Variants in DZIP1L observed in about 807,000 individuals in gnomAD.
DZIP1L encodes DAZ interacting zinc finger protein 1 like, also known as cilium assembly protein DZIP1L.
A neutral mutation model predicts 88.7 loss-of-function variants in DZIP1L; 90 were observed. The ratio of observed to expected loss-of-function variants is 1.02; its 90% confidence interval spans 0.86 to 1.21. The LOEUF (loss-of-function observed/expected upper bound fraction) is 1.21. DZIP1L is among the 50% of genes most tolerant of loss of function. DZIP1L has a pLI of 0.00. For synonymous variants in DZIP1L, 363 were observed against 372.1 expected (o/e 0.98, Z 0.28); for missense variants, 932 against 955.8 (o/e 0.98, Z 0.33).
intron 7 of DZIP1L, among the ~76,000 whole-genome samples, chr3:138,084,987 T>A (rs1233103348): frequency 6.6e-6 from 1 of 152,244 alleles, no homozygotes; most frequent in Non-Finnish European, 1.5e-5. Context: ...TTGATCTATA[T>A]CTCTGTTTTG....
At chr3:138,105,111 T>C (rs2042444428) in intron 1 of DZIP1L, among the ~76,000 whole-genome samples, 1 of 152,194 alleles carries the variant, frequency 6.6e-6, no homozygotes, top group African/African-American at 2.4e-5. Flanking sequence ...ATCTCCAATA[T>C]ATATATATGT....
At position 138,103,763 on chromosome 3, in the gene DZIP1L, T is replaced by G. The variant is rs1310942364; in HGVS notation, c.209A>C (p.Glu70Ala). 1 of 1,613,866 alleles carries G rather than the reference T, an allele frequency of 6.2e-7. No homozygotes were observed. The highest frequency in any genetic ancestry group is 8.5e-7 in the Non-Finnish European group (1 of 1,180,030). Residue 70 changes from glutamate to alanine, a missense_variant, in exon 2 of 16, where the codon GAG becomes GCG. By Grantham distance (107) the Glu-to-Ala change is moderately radical. Coordinates refer to ENST00000327532, the MANE Select transcript of DZIP1L (RefSeq NM_173543.3). ...AGITFCNLDR[E>A]VCSRCGQPVD... ...AGGCTGCCCACAGCGGCTGCACACC[T>G]CCCGGTCCAAGTTGCAGAAGGTGAT...
intron 12 of DZIP1L, among the ~76,000 whole-genome samples, chr3:138,069,944 C>T (rs1341151336): frequency 6.6e-6 from 1 of 152,326 alleles, no homozygotes; most frequent in East Asian, 1.9e-4. Context: ...AGTAACATCT[C>T]CAGAGAAGGC....
chr3:138,082,025 C>T (rs1282157901), intron 8 of DZIP1L, among the ~76,000 whole-genome samples: 1 of 152,206 alleles, frequency 6.6e-6, no homozygotes, highest in Non-Finnish European at 1.5e-5. Flanking sequence ...AGAATTATGC[C>T]TCGAGGGCAG....
At chr3:138,067,739 C>A in intron 13 of DZIP1L, 39 bp from the exon 14 acceptor site, 1 of 1,512,312 alleles carries the variant, frequency 6.6e-7, no homozygotes, top group Non-Finnish European at 8.8e-7. Flanking sequence ...ATGCATGGGC[C>A]AGAAAGAAAA....
At chr3:138,083,507 A>C (rs1186427120) in intron 8 of DZIP1L, among the ~76,000 whole-genome samples, 1 of 152,214 alleles carries the variant, frequency 6.6e-6, no homozygotes, top group African/African-American at 2.4e-5. Context: ...AGCAACAGGT[A>C]AAGAGTCACA....
intron 14 of DZIP1L, among the ~76,000 whole-genome samples, chr3:138,066,445 C>T (rs1310295787): frequency 2.6e-5 from 4 of 152,098 alleles, no homozygotes; most frequent in Admixed American, 2.6e-4. Flanking sequence ...AAATGGTTTA[C>T]AAGTAAATAA....
Position 138,062,742 on chromosome 3 carries a change from G to T in DZIP1L, c.*74C>A. 1 of 1,522,852 alleles carries T rather than the reference G, an allele frequency of 6.6e-7. No homozygotes were observed. Among genetic ancestry groups the T allele is most frequent in the Non-Finnish European group, 9.0e-7 (1 of 1,106,742 alleles). 94.3% of individuals were successfully genotyped at this position (1,522,852 alleles called of 1,614,324 possible). On this transcript the variant is annotated 3_prime_UTR_variant, in exon 16 of 16. Transcript: ENST00000327532. ...GTTTGTGAAGACAAGAGGCCCAGCA[G>T]CCTCTTCTGTTGAAGTGGACCTGAG...
chr3:138,108,264 G>A (rs966035533), intron 1 of DZIP1L: 39 of 984,556 alleles, frequency 4.0e-5, no homozygotes, highest in Non-Finnish European at 4.2e-5. Context: ...GCTGTGCCTC[G>A]GAGCAACAGC....
chr3:138,087,291 T>C (rs1470808858), intron 6 of DZIP1L, among the ~76,000 whole-genome samples: 3 of 152,216 alleles, frequency 2.0e-5, no homozygotes, highest in Non-Finnish European at 2.9e-5. Flanking sequence ...GCAAAATAAA[T>C]TGTAGGTGGG....
chr3:138,090,140 A>T (rs1944138144), intron 5 of DZIP1L, among the ~76,000 whole-genome samples: 1 of 151,950 alleles, frequency 6.6e-6, no homozygotes, highest in Admixed American at 6.6e-5. Context: ...AACCCATCTT[A>T]AAAAAATAAA....
At chr3:138,072,753 G>T (rs1337251391) in intron 11 of DZIP1L, among the ~76,000 whole-genome samples, 2 of 152,132 alleles carry the variant, frequency 1.3e-5, no homozygotes, top group South Asian at 4.1e-4. Flanking sequence ...CAATGGGGAG[G>T]TTTGTGGTCT....
chr3:138,088,349 T>C (rs745657764), intron 6 of DZIP1L, 30 bp downstream of exon 6: 46 of 1,588,866 alleles, frequency 2.9e-5, no homozygotes, highest in Non-Finnish European at 3.8e-5. Context: ...TGGCTTCCTC[T>C]GGGAAGAAAG....
intron 12 of DZIP1L, chr3:138,069,288 C>A (rs1235519873): frequency 4.4e-6 from 2 of 459,708 alleles, no homozygotes; most frequent in Non-Finnish European, 7.8e-6. Context: ...CTCTAGCTTA[C>A]TTTATTGTAA....
intron 11 of DZIP1L, among the ~76,000 whole-genome samples, chr3:138,073,600 T>A (rs1943273715): frequency 6.6e-6 from 1 of 152,130 alleles, no homozygotes. Flanking sequence ...TCTAACATAG[T>A]CTACCCAAAT....
At chr3:138,077,660 A>G in intron 10 of DZIP1L, 28 bp from the exon 11 acceptor site, 1 of 1,612,136 alleles carries the variant, frequency 6.2e-7, no homozygotes, top group Non-Finnish European at 8.5e-7. Flanking sequence ...CACCCAGATC[A>G]GCCTGGGCAC....
intron 8 of DZIP1L, among the ~76,000 whole-genome samples, chr3:138,083,141 G>A (rs1943744410): frequency 6.6e-6 from 1 of 152,200 alleles, no homozygotes; most frequent in Non-Finnish European, 1.5e-5. Context: ...GTAACATACA[G>A]GACATTACAG....
intron 9 of DZIP1L, 134 bp from the exon 10 acceptor site, chr3:138,080,754 A>C: frequency 1.3e-6 from 1 of 787,122 alleles, no homozygotes; most frequent in Non-Finnish European, 2.0e-6. Flanking sequence ...GACTGGAGAG[A>C]GGCAGGACAG....
Position 138,084,218 on chromosome 3 carries a change from CAGGG to C in DZIP1L, c.1094_1097del (p.Ser365CysfsTer36), listed in dbSNP as rs1943814042. 9.3e-6 allele frequency: 15 copies of C among 1,614,056 alleles called. No homozygotes were observed. Among genetic ancestry groups the C allele is most frequent in the Non-Finnish European group, 1.2e-5 (14 of 1,180,014 alleles). On this transcript the variant is annotated frameshift_variant, in exon 8 of 16. Coordinates refer to ENST00000327532, the MANE Select transcript of DZIP1L (RefSeq NM_173543.3). LOFTEE classifies it high-confidence loss of function. Reference sequence around the variant, plus strand: ...CAGCTGCCTTCTTCTGATCCTGAGACAGGGAGGCCTGGAGCCTCTGGTTCTCCTC... The same window carrying C: ...CAGCTGCCTTCTTCTGATCCTGAGACAGGCCTGGAGCCTCTGGTTCTCCTC...
Sources: gnomAD v4.1 joint callset for allele counts (sites outside exome capture counted in the v4.1 genomes callset) on GRCh38, gnomAD v4.1.1 for gene constraint, MANE v1.5 for transcripts, NCBI Gene and HGNC (gene_info 2026-07-23, HGNC 2026-07-21) for gene names.